Variants in NEGR1 observed in about 807,000 individuals in gnomAD.
NEGR1 encodes the protein neuronal growth regulator 1.
NEGR1 carries 10 observed loss-of-function variants against 40.9 expected under a neutral mutation model. The ratio of observed to expected loss-of-function variants is 0.24; its 90% CI spans 0.15 to 0.42. NEGR1 has a LOEUF of 0.42. Ranked by LOEUF, NEGR1 falls within the 10% of genes least tolerant of loss-of-function variation. NEGR1 has a pLI of 1.00. For synonymous variants in NEGR1, 185 were observed against 166.8 expected (o/e 1.11, Z -0.84); for missense variants, 352 against 438.9 (o/e 0.80, Z 1.77).
chr1:72,104,058 C>G (rs1649042668), intron 1 of NEGR1, among the ~76,000 whole-genome samples: 1 of 151,286 alleles, frequency 6.6e-6, no homozygotes, highest in African/African-American at 2.4e-5. Flanking sequence ...TTCCTATAAA[C>G]CACATTCATT....
At chr1:72,153,436 C>T (rs1269322513) in intron 1 of NEGR1, among the ~76,000 whole-genome samples, 1 of 151,642 alleles carries the variant, frequency 6.6e-6, no homozygotes, top group Non-Finnish European at 1.5e-5. Context: ...AATACAAAGA[C>T]CCAAGTTAAA....
chr1:71,947,099 CACA>C (rs1646028454), intron 1 of NEGR1, among the ~76,000 whole-genome samples: 1 of 110,596 alleles, frequency 9.0e-6, no homozygotes, highest in Non-Finnish European at 2.0e-5. Context: ...TACACACACA[CACA>C]CACACACACA....
chr1:71,879,182 A>G (rs1309071998), intron 2 of NEGR1, among the ~76,000 whole-genome samples: 1 of 151,772 alleles, frequency 6.6e-6, no homozygotes, highest in East Asian at 1.9e-4. Context: ...AACCCTATCT[A>G]TTTGCCATCA....
chr1:71,577,085 A>G (rs2101499930), intron 6 of NEGR1, among the ~76,000 whole-genome samples: 1 of 152,352 alleles, frequency 6.6e-6, no homozygotes, highest in Middle Eastern at 3.4e-3. Context: ...GCTTTAGAGA[A>G]GTTGTCTAGA....
At position 72,252,116 on chromosome 1, in the gene NEGR1, CT is replaced by C. The variant is rs1193492096; in HGVS notation, c.176+30202del. Among the ~76,000 whole-genome samples the C allele has an allele frequency of 2.0e-5, 3 of 150,378 alleles. No individual in the cohort carries two copies. In the East Asian group the frequency reaches 5.8e-4, roughly 29 times the overall value. On this transcript the variant is annotated intron_variant, in intron 1 of 6. Transcript: ENST00000357731. Reference sequence around the variant, plus strand: ...ATGTATGCAACCTAACTTTTTTTTTCTTTTTTTAGACAGAGTTTTGCTCTTG... The same window carrying C: ...ATGTATGCAACCTAACTTTTTTTTTCTTTTTTAGACAGAGTTTTGCTCTTG...
chr1:71,453,651 C>T (rs1049413882), intron 6 of NEGR1, among the ~76,000 whole-genome samples: 1 of 152,110 alleles, frequency 6.6e-6, no homozygotes, highest in African/African-American at 2.4e-5. Context: ...ATGCCAGCAG[C>T]TTTTTCAATA....
chr1:71,720,640 T>C (rs543776786), intron 3 of NEGR1, among the ~76,000 whole-genome samples: 3 of 152,288 alleles, frequency 2.0e-5, no homozygotes, highest in South Asian at 4.1e-4. Flanking sequence ...GCAAATTACT[T>C]GGCCTCATTT....
At chr1:71,469,156 C>T (rs950639651) in intron 6 of NEGR1, among the ~76,000 whole-genome samples, 6 of 151,948 alleles carry the variant, frequency 3.9e-5, no homozygotes, top group South Asian at 2.1e-4. Flanking sequence ...AGTATTTAAC[C>T]GCTTGTAAAT....
intron 6 of NEGR1, among the ~76,000 whole-genome samples, chr1:71,485,892 A>G (rs905182894): frequency 5.9e-5 from 9 of 151,736 alleles, no homozygotes; most frequent in Non-Finnish European, 7.4e-5. Flanking sequence ...TAAAGCTACT[A>G]TAAACATATG....
chr1:72,181,726 G>C (rs890085383), intron 1 of NEGR1, among the ~76,000 whole-genome samples: 1 of 152,108 alleles, frequency 6.6e-6, no homozygotes, highest in Non-Finnish European at 1.5e-5. Context: ...AAGAGATCTT[G>C]CCATTTGTCA....
At chr1:71,527,748 G>T in intron 6 of NEGR1, among the ~76,000 whole-genome samples, 2 of 149,616 alleles carry the variant, frequency 1.3e-5, no homozygotes, top group South Asian at 2.1e-4. Context: ...TTTTTTTTTA[G>T]CATAGAACTT....
chr1:71,999,349 C>T (rs950983626), intron 1 of NEGR1, among the ~76,000 whole-genome samples: 11 of 151,656 alleles, frequency 7.3e-5, no homozygotes, highest in African/African-American at 2.7e-4. Flanking sequence ...CACAGACAGT[C>T]TTGAGATTAT....
At chr1:71,954,226 G>C (rs1292292649) in intron 1 of NEGR1, among the ~76,000 whole-genome samples, 2 of 151,868 alleles carry the variant, frequency 1.3e-5, no homozygotes, top group African/African-American at 4.8e-5. Flanking sequence ...GTGAGGTTGT[G>C]GACTAGCATA....
chr1:72,189,474 C>T (rs1652736781), intron 1 of NEGR1, among the ~76,000 whole-genome samples: 1 of 151,506 alleles, frequency 6.6e-6, no homozygotes, highest in African/African-American at 2.4e-5. Flanking sequence ...TGCTGTGGTA[C>T]CTCTGTTCTG....
chr1:71,656,300 T>G (rs1225100478), intron 4 of NEGR1, among the ~76,000 whole-genome samples: 1 of 152,232 alleles, frequency 6.6e-6, no homozygotes, highest in Admixed American at 6.5e-5. Context: ...ATTCTCCTTC[T>G]AACAGGAAAG....
intron 6 of NEGR1, among the ~76,000 whole-genome samples, chr1:71,438,721 C>G (rs981829760): frequency 7.2e-5 from 11 of 152,148 alleles, no homozygotes; most frequent in Non-Finnish European, 1.0e-4. Flanking sequence ...TCAAAGAAGC[C>G]TAGTAATCTT....
intron 1 of NEGR1, among the ~76,000 whole-genome samples, chr1:72,084,250 C>T (rs1170213368): frequency 6.6e-6 from 1 of 152,130 alleles, no homozygotes; most frequent in African/African-American, 2.4e-5. Context: ...TTCAGCTCTA[C>T]AAAATAGGCC....
chr1:71,802,239 T>G (rs1657588793), intron 2 of NEGR1, among the ~76,000 whole-genome samples: 1 of 151,814 alleles, frequency 6.6e-6, no homozygotes, highest in Non-Finnish European at 1.5e-5. Flanking sequence ...ACTTAAAGAT[T>G]TAGAGAATTA....
At chr1:72,139,188 T>G (rs1361957098) in intron 1 of NEGR1, among the ~76,000 whole-genome samples, 1 of 150,572 alleles carries the variant, frequency 6.6e-6, no homozygotes, top group Non-Finnish European at 1.5e-5. Context: ...TGGCCTAGAT[T>G]AGTAATTTTT....
Sources: gnomAD v4.1 joint callset for allele counts (sites outside exome capture counted in the v4.1 genomes callset) on GRCh38, gnomAD v4.1.1 for gene constraint, MANE v1.5 for transcripts, NCBI Gene and HGNC (gene_info 2026-07-23, HGNC 2026-07-21) for gene names.